The following ALKAL1 variants were observed in gnomAD, a reference collection of about 807,000 sequenced individuals.
ALKAL1 encodes ALK and LTK ligand 1, also known as AUG-beta.
In ALKAL1, 23 loss-of-function variants were observed where a neutral mutation model predicts 13.5. The observed-to-expected ratio is 1.70, with a 90% CI of 1.23 to 2.41. The LOEUF is 2.41. ALKAL1 is among the 30% of genes most tolerant of loss of function. ALKAL1 has a pLI of 0.00. For synonymous variants in ALKAL1, 85 were observed against 77.7 expected (o/e 1.09, Z -0.49); for missense variants, 181 against 178.4 (o/e 1.01, Z -0.08).
intron 1 of ALKAL1, among the ~76,000 whole-genome samples, chr8:52,550,282 G>T (rs938750226): frequency 6.6e-6 from 1 of 152,130 alleles, no homozygotes; most frequent in Non-Finnish European, 1.5e-5. Flanking sequence ...TTTTTGCTAC[G>T]TTCTACAGAC....
Position 52,542,438 on chromosome 8 carries a change from G to T in ALKAL1, c.198C>A (p.Phe66Leu), listed in dbSNP as rs1319989867. The change falls in exon 2 of 5, where the codon TTC (phenylalanine) becomes TTA (leucine). Residue 66 changes from phenylalanine (F) to leucine (L), a missense_variant. Transcript: ENST00000358543. ...TPSGSRSAEI[F>L]PRDSNLKDKF... is the part of the protein sequence containing the mutation. ...TGTCTTTTAAGTTAGAGTCTCTTGGGAATATTTCTGAAAAGAAAAAAAAAA... is the reference window on the plus strand; with the variant it reads ...TGTCTTTTAAGTTAGAGTCTCTTGGTAATATTTCTGAAAAGAAAAAAAAAA... 1.3e-6 allele frequency: 2 copies of T among 1,522,190 alleles called. No homozygotes were observed. Among genetic ancestry groups the T allele is most frequent in the Non-Finnish European group, 1.8e-6 (2 of 1,110,650 alleles). 94.3% of individuals were successfully genotyped at this position (1,522,190 alleles called of 1,614,324 possible). A position where few individuals can be genotyped will look rare whatever the true frequency, so the allele number is the denominator to read the frequency against.
At chr8:52,548,580 T>C (rs1024345287) in intron 1 of ALKAL1, among the ~76,000 whole-genome samples, 4 of 152,126 alleles carry the variant, frequency 2.6e-5, no homozygotes, top group Non-Finnish European at 4.4e-5. Flanking sequence ...CTGTGCATTA[T>C]ATATATTGAA....
At chr8:52,551,740 T>C (rs1196745672) in intron 1 of ALKAL1, among the ~76,000 whole-genome samples, 1 of 152,174 alleles carries the variant, frequency 6.6e-6, no homozygotes, top group Non-Finnish European at 1.5e-5. Flanking sequence ...TTATAATTAT[T>C]CTTTCTGTGA....
chr8:52,540,775 ATCCC>A (rs1847305341), intron 2 of ALKAL1, among the ~76,000 whole-genome samples: 1 of 151,944 alleles, frequency 6.6e-6, no homozygotes, highest in Non-Finnish European at 1.5e-5. Context: ...CAAAATGTTC[ATCCC>A]TCCCTCCCTC....
chr8:52,555,872 T>C (rs540574863), intron 1 of ALKAL1, among the ~76,000 whole-genome samples: 12 of 152,202 alleles, frequency 7.9e-5, no homozygotes, highest in Admixed American at 1.3e-4. Context: ...CTCCTGTCTT[T>C]AGGGACCCGT....
intron 3 of ALKAL1, among the ~76,000 whole-genome samples, chr8:52,539,191 G>C (rs772031271): frequency 2.0e-5 from 3 of 152,106 alleles, no homozygotes; most frequent in Non-Finnish European, 2.9e-5. Flanking sequence ...TAGTTAAAAA[G>C]AAACAAAATG....
chr8:52,538,777 T>C (rs1473132982), intron 3 of ALKAL1, among the ~76,000 whole-genome samples: 1 of 152,228 alleles, frequency 6.6e-6, no homozygotes, highest in Non-Finnish European at 1.5e-5. Context: ...CCAAAGCACG[T>C]GCTTTCTCCA....
intron 4 of ALKAL1, among the ~76,000 whole-genome samples, 174 bp downstream of exon 4, chr8:52,538,257 G>T (rs1847281019): frequency 6.6e-6 from 1 of 151,996 alleles, no homozygotes; most frequent in African/African-American, 2.4e-5. Flanking sequence ...AGAAGGTTTT[G>T]AATGCTCACA....
chr8:52,538,420 T>A lies in ALKAL1; in HGVS notation c.*12+11A>T, dbSNP rs752831019. The A allele has an allele frequency of 5.4e-6, 8 of 1,494,794 alleles. No homozygotes were observed. In the Admixed American group the frequency reaches 1.2e-4, roughly 23 times the overall value. The allele number at this position is 1,494,794 out of a possible 1,614,324, so 92.6% of individuals were successfully genotyped here. ...TATTAAACAGGATAAGAAAAATAAA[T>A]ATATACTCACAGGGTAGTTTTGCTA... is the stretch of plus-strand genomic sequence containing the variant. On this transcript the variant is annotated intron_variant, in intron 4 of 4. Coordinates refer to ENST00000358543, the MANE Select transcript of ALKAL1 (RefSeq NM_207413.4).
intron 1 of ALKAL1, among the ~76,000 whole-genome samples, chr8:52,552,227 T>A (rs1222474018): frequency 6.6e-6 from 1 of 152,200 alleles, no homozygotes; most frequent in East Asian, 1.9e-4. Flanking sequence ...GTTTTCCTTG[T>A]GATTAAACTG....
chr8:52,540,022 C>A, intron 2 of ALKAL1, 111 bp from the exon 3 acceptor site: 2 of 792,684 alleles, frequency 2.5e-6, no homozygotes, highest in East Asian at 2.8e-5. Context: ...TCCTTCCATA[C>A]CCTTAAAAGA....
chr8:52,539,660 G>A (rs1470009246), intron 3 of ALKAL1, among the ~76,000 whole-genome samples, 171 bp downstream of exon 3: 1 of 152,064 alleles, frequency 6.6e-6, no homozygotes, highest in African/African-American at 2.4e-5. Context: ...ATTCCTTACA[G>A]TGGCAACAGT....
At chr8:52,554,096 T>C (rs1006077359) in intron 1 of ALKAL1, among the ~76,000 whole-genome samples, 2 of 152,066 alleles carry the variant, frequency 1.3e-5, no homozygotes. Context: ...TGGTGGCGCA[T>C]GCCTGTAATC....
intron 3 of ALKAL1, 49 bp downstream of exon 3, chr8:52,539,782 A>G (rs1314323480): frequency 1.5e-6 from 2 of 1,346,796 alleles, no homozygotes; most frequent in African/African-American, 3.3e-5. Flanking sequence ...AATTAAACGC[A>G]TTTATTGTTG....
chr8:52,538,089 GA>G (rs74773505), intron 4 of ALKAL1, among the ~76,000 whole-genome samples: 447 of 130,626 alleles, frequency 3.4e-3, no homozygotes, highest in East Asian at 0.015. Flanking sequence ...CTCTGCCTCC[GA>G]AAAAAAAAAA....
At chr8:52,549,751 G>A (rs939817402) in intron 1 of ALKAL1, among the ~76,000 whole-genome samples, 4 of 152,088 alleles carry the variant, frequency 2.6e-5, no homozygotes, top group Non-Finnish European at 4.4e-5. Flanking sequence ...AGACCAGCCT[G>A]GCCAACATGG....
chr8:52,548,680 GATTAC>G (rs1380700972), intron 1 of ALKAL1, among the ~76,000 whole-genome samples: 1 of 152,042 alleles, frequency 6.6e-6, no homozygotes, highest in Non-Finnish European at 1.5e-5. Context: ...TTATATAAAA[GATTAC>G]ATTATTTGGG....
At chr8:52,538,568 T>C in intron 3 of ALKAL1, 61 bp from the exon 4 acceptor site, 7 of 1,065,646 alleles carry the variant, frequency 6.6e-6, no homozygotes, top group Non-Finnish European at 9.9e-6. Context: ...GGGGAAATCC[T>C]GTTATTATTG....
intron 1 of ALKAL1, among the ~76,000 whole-genome samples, chr8:52,552,762 T>C (rs1387692474): frequency 6.6e-6 from 1 of 152,250 alleles, no homozygotes; most frequent in Non-Finnish European, 1.5e-5. Context: ...TGCTTTGTAT[T>C]TGTTATCACT....
Sources: allele counts gnomAD v4.1 joint callset (sites outside exome capture counted in the v4.1 genomes callset), GRCh38; gene constraint gnomAD v4.1.1; transcripts MANE v1.5; gene names NCBI Gene and HGNC (gene_info 2026-07-23, HGNC 2026-07-21).